PDZRN4: variants seen among roughly 807,000 people sequenced by gnomAD.
The protein encoded by PDZRN4 is PDZ domain-containing RING finger protein 4.
PDZRN4 carries 70 observed loss-of-function variants against 99.0 expected under a neutral mutation model. That is an observed-to-expected ratio of 0.71 (90% CI 0.58 to 0.86). The LOEUF (loss-of-function observed/expected upper bound fraction) is 0.86, where lower values mean the gene tolerates loss of function less well. Among genes scored for constraint, PDZRN4 ranks in the 40% least tolerant of loss-of-function variants. PDZRN4 has a pLI of 0.00. For synonymous variants in PDZRN4, 551 were observed against 501.6 expected (o/e 1.10, Z -1.32); for missense variants, 1,474 against 1,331.2 (o/e 1.11, Z -1.67).
intron 3 of PDZRN4, among the ~76,000 whole-genome samples, chr12:41,283,573 C>A (rs1951403509): frequency 6.6e-6 from 1 of 152,138 alleles, no homozygotes; most frequent in South Asian, 2.1e-4. Flanking sequence ...ACATTTTAGA[C>A]CAATATCCGT....
chr12:41,307,459 G>A (rs182772382), intron 3 of PDZRN4, among the ~76,000 whole-genome samples: 1 of 152,192 alleles, frequency 6.6e-6, no homozygotes, highest in Non-Finnish European at 1.5e-5. Flanking sequence ...TACCTTCATG[G>A]CCTCATTGAA....
rs1223841815 is a variant in PDZRN4, at chr12:41,574,468, CAGTAA to C, written c.*582_*586del. 1 of 152,614 alleles carries C rather than the reference CAGTAA, an allele frequency of 6.6e-6. No homozygotes were observed. Among genetic ancestry groups the C allele is most frequent in the Non-Finnish European group, 1.5e-5 (1 of 68,038 alleles). 9.5% of individuals were successfully genotyped at this position (152,614 alleles called of 1,614,324 possible). ...ACATAAATGGCCATTGTCTTTGTCT[CAGTAA>C]AGTGTAGGTGGACAATCTTCCTGTG... On this transcript the variant is annotated 3_prime_UTR_variant, in exon 10 of 10. Transcript: ENST00000402685.
Position 41,572,399 on chromosome 12 carries a change from C to T in PDZRN4, c.1620C>T (p.Asp540=). Residue 540 remains aspartate (D), a synonymous_variant, in exon 10 of 10, where the codon GAC becomes GAT. Transcript: ENST00000402685. ...KKQEEEEGTT[D]TATSSSNNHE... ...AAGAAGAAGAAGAAGGCACAACAGA[C>T]ACTGCAACATCCTCATCCAACAACC... The T allele has an allele frequency of 2.7e-5, 44 of 1,613,862 alleles. No homozygotes were observed. Among genetic ancestry groups the T allele is most frequent in the Non-Finnish European group, 3.6e-5 (43 of 1,179,856 alleles).
At chr12:41,459,921 C>A (rs1952854574) in intron 3 of PDZRN4, 1 of 1,257,372 alleles carries the variant, frequency 8.0e-7, no homozygotes, top group Non-Finnish European at 1.0e-6. Context: ...ACTGTTTTGA[C>A]TGAAGGAGAA....
intron 3 of PDZRN4, among the ~76,000 whole-genome samples, chr12:41,229,852 T>C (rs1951017162): frequency 6.6e-6 from 1 of 152,100 alleles, no homozygotes; most frequent in South Asian, 2.1e-4. Flanking sequence ...GACTCTCTTT[T>C]GCCAGGCTGG....
intron 5 of PDZRN4, among the ~76,000 whole-genome samples, chr12:41,517,869 A>G (rs1199853232): frequency 1.3e-5 from 2 of 152,050 alleles, no homozygotes; most frequent in Non-Finnish European, 2.9e-5. Flanking sequence ...ATATATCTCA[A>G]CTGGTATCAA....
intron 8 of PDZRN4, among the ~76,000 whole-genome samples, chr12:41,565,134 T>C (rs1358779066): frequency 6.6e-6 from 1 of 152,114 alleles, no homozygotes; most frequent in Non-Finnish European, 1.5e-5. Flanking sequence ...AAAATTTGAG[T>C]ATCTGGCTAC....
In PDZRN4 at chr12:41,497,644, C is replaced by T. The variant is rs369252175; in HGVS notation, c.844-8812C>T. On this transcript the variant is annotated intron_variant, in intron 3 of 9. Coordinates refer to ENST00000402685, the MANE Select transcript of PDZRN4 (RefSeq NM_001164595.2). ...GTAATGAAAGAACTCCCACAATTAGCCAGGAGGCAGCCATCTATCTTTTTA... is the reference window on the plus strand; with the variant it reads ...GTAATGAAAGAACTCCCACAATTAGTCAGGAGGCAGCCATCTATCTTTTTA... 1.0e-3 allele frequency among the ~76,000 whole-genome samples: 153 copies of T among 152,164 alleles called. 1 individual carries two copies. The highest frequency in any genetic ancestry group is 3.6e-3 in the African/African-American group (149 of 41,528).
Position 41,509,093 on chromosome 12 carries a change from A to G in PDZRN4, c.1101-718A>G, listed in dbSNP as rs1489222616. Among the ~76,000 whole-genome samples the G allele has an allele frequency of 2.6e-5, 4 of 152,302 alleles. No homozygotes were observed. The East Asian group carries it at 7.7e-4, about 29-fold the overall frequency. ...CTATTTAAAAATTTCCTAAAAGTTG[A>G]AATACATAAAAGCCATATCCTCTCA... On this transcript the variant is annotated intron_variant, in intron 4 of 9. Transcript: ENST00000402685.
chr12:41,255,020 A>G (rs1951194522), intron 3 of PDZRN4, among the ~76,000 whole-genome samples: 1 of 152,166 alleles, frequency 6.6e-6, no homozygotes, highest in Admixed American at 6.6e-5. Context: ...ATTGAGGCTG[A>G]GCTGTAGTCA....
At chr12:41,289,902 C>A (rs1461595412) in intron 3 of PDZRN4, among the ~76,000 whole-genome samples, 9 of 152,152 alleles carry the variant, frequency 5.9e-5, no homozygotes, top group Non-Finnish European at 4.4e-5. Context: ...TGTGAGTGTA[C>A]CCTAAAGAAG....
At chr12:41,517,687 A>G (rs1331800944) in intron 5 of PDZRN4, among the ~76,000 whole-genome samples, 7 of 151,910 alleles carry the variant, frequency 4.6e-5, no homozygotes, top group African/African-American at 1.7e-4. Flanking sequence ...GTCTGCATCT[A>G]TTTCTAGAAT....
At chr12:41,564,807 T>C (rs559023258) in intron 8 of PDZRN4, among the ~76,000 whole-genome samples, 1 of 152,214 alleles carries the variant, frequency 6.6e-6, no homozygotes, top group South Asian at 2.1e-4. Context: ...TATCTGGAAA[T>C]TTCTCAACCC....
intron 9 of PDZRN4, among the ~76,000 whole-genome samples, chr12:41,571,139 ATCTATCTATAT>A (rs1939463693): frequency 6.6e-6 from 1 of 152,088 alleles, no homozygotes; most frequent in South Asian, 2.1e-4. Flanking sequence ...ATACCTATCT[ATCTATCTATAT>A]ATATATATAG....
chr12:41,244,037 G>A (rs1004269071), intron 3 of PDZRN4, among the ~76,000 whole-genome samples: 1 of 151,314 alleles, frequency 6.6e-6, no homozygotes, highest in African/African-American at 2.4e-5. Flanking sequence ...TTATGTGTAG[G>A]TCTGACCTTT....
intron 3 of PDZRN4, among the ~76,000 whole-genome samples, chr12:41,228,326 G>C (rs1316613328): frequency 4.6e-5 from 7 of 152,118 alleles, no homozygotes; most frequent in Non-Finnish European, 8.8e-5. Flanking sequence ...TCTTTAGGCT[G>C]GAGGCTAATT....
chr12:41,345,915 T>C (rs1304344968), intron 3 of PDZRN4, among the ~76,000 whole-genome samples: 1 of 152,142 alleles, frequency 6.6e-6, no homozygotes, highest in Non-Finnish European at 1.5e-5. Flanking sequence ...GTTCTGATAA[T>C]ATATTACATG....
intron 5 of PDZRN4, among the ~76,000 whole-genome samples, chr12:41,524,270 T>G (rs1235542310): frequency 6.6e-6 from 1 of 152,194 alleles, no homozygotes; most frequent in Non-Finnish European, 1.5e-5. Context: ...ATTCTTAGAA[T>G]GTCTGTACTA....
intron 3 of PDZRN4, among the ~76,000 whole-genome samples, chr12:41,199,331 T>C (rs1950799252): frequency 6.6e-6 from 1 of 151,840 alleles, no homozygotes; most frequent in African/African-American, 2.4e-5. Context: ...AGTCAGAAAA[T>C]GGTTATTAAT....
Sources: allele counts gnomAD v4.1 joint callset (sites outside exome capture counted in the v4.1 genomes callset), GRCh38; gene constraint gnomAD v4.1.1; transcripts MANE v1.5; gene names NCBI Gene and HGNC (gene_info 2026-07-23, HGNC 2026-07-21).